Variants in MAMLD1 observed in about 807,000 individuals in gnomAD.
The protein encoded by MAMLD1 is mastermind-like domain-containing protein 1.
MAMLD1 carries 14 observed loss-of-function variants against 45.0 expected under a neutral mutation model. The observed-to-expected ratio is 0.31, with a 90% confidence interval of 0.21 to 0.49. MAMLD1 has a LOEUF of 0.49. Ranked by LOEUF, MAMLD1 falls within the 20% of genes least tolerant of loss-of-function variation. The pLI is 0.99. For missense variants in MAMLD1, 543 were observed against 603.6 expected (o/e 0.90, Z 1.05); for synonymous variants, 254 against 247.8 (o/e 1.02, Z -0.24).
At chrX:150,370,175 T>C (rs2031854014) in intron 1 of MAMLD1, among the ~76,000 whole-genome samples, 2 of 109,670 alleles carry the variant, frequency 1.8e-5, no homozygotes, top group Admixed American at 2.0e-4. Context: ...CCGGTTACTA[T>C]GGATCAGCAC....
chrX:150,389,634 T>C (rs781817023), intron 1 of MAMLD1, among the ~76,000 whole-genome samples: 1 of 112,469 alleles, frequency 8.9e-6, no homozygotes, highest in Admixed American at 9.4e-5. Context: ...GTTCCATAAA[T>C]GTCATCTAGA....
intron 6 of MAMLD1, among the ~76,000 whole-genome samples, chrX:150,508,608 T>C (rs1487659152): frequency 8.9e-6 from 1 of 112,699 alleles, no homozygotes; most frequent in Non-Finnish European, 1.9e-5. Context: ...GGCCAGGAAC[T>C]GCTGCCAGGC....
intron 5 of MAMLD1, among the ~76,000 whole-genome samples, chrX:150,487,896 G>C (rs1488370291): frequency 8.9e-6 from 1 of 112,927 alleles, no homozygotes; most frequent in Non-Finnish European, 1.9e-5. Context: ...CTGGATCACT[G>C]TAAATGCTCA....
chrX:150,408,733 T>C (rs1472545855), intron 1 of MAMLD1, among the ~76,000 whole-genome samples: 2 of 112,000 alleles, frequency 1.8e-5, no homozygotes, highest in African/African-American at 6.5e-5. Context: ...ATGGAAGCAC[T>C]GAGTAGCTAG....
At chrX:150,415,688 G>A (rs2034231277) in intron 1 of MAMLD1, among the ~76,000 whole-genome samples, 1 of 112,123 alleles carries the variant, frequency 8.9e-6, no homozygotes, top group Non-Finnish European at 1.9e-5. Context: ...GAATGGTAGT[G>A]GATGACATTC....
chrX:150,374,591 A>G, intron 1 of MAMLD1, among the ~76,000 whole-genome samples: 1 of 112,449 alleles, frequency 8.9e-6, no homozygotes, highest in Non-Finnish European at 1.9e-5. Flanking sequence ...TTTCTTTGAT[A>G]CTGCATAAGT....
At chrX:150,451,244 G>T (rs73638254) in intron 2 of MAMLD1, among the ~76,000 whole-genome samples, 6 of 112,425 alleles carry the variant, frequency 5.3e-5, no homozygotes, top group Non-Finnish European at 9.4e-5. Flanking sequence ...GGCCTCATCT[G>T]CATTCCTGCC....
At chrX:150,483,780 T>C (rs868955576) in intron 5 of MAMLD1, among the ~76,000 whole-genome samples, 4 of 111,129 alleles carry the variant, frequency 3.6e-5, no homozygotes, top group Non-Finnish European at 7.6e-5. Flanking sequence ...TTGTTGTTGT[T>C]GTCGTCATTT....
At chrX:150,473,655 G>A (rs782625340) in intron 4 of MAMLD1, 25 bp from the exon 5 acceptor site, 1 of 1,210,089 alleles carries the variant, frequency 8.3e-7, no homozygotes, top group South Asian at 1.8e-5. Context: ...CAGTTCAGGA[G>A]CACTTTGGTT....
intron 1 of MAMLD1, among the ~76,000 whole-genome samples, chrX:150,389,140 G>T (rs1308645706): frequency 6.3e-5 from 7 of 110,725 alleles, no homozygotes; most frequent in African/African-American, 2.3e-4. Flanking sequence ...TCTGCCTCCA[G>T]GGTTCAAGTG....
chrX:150,395,728 T>A (rs2033386060), intron 1 of MAMLD1, among the ~76,000 whole-genome samples: 1 of 111,043 alleles, frequency 9.0e-6, no homozygotes, highest in Non-Finnish European at 1.9e-5. Context: ...CTAGGGTTGT[T>A]CACAGTATTA....
At chrX:150,385,253 T>A (rs868953677) in intron 1 of MAMLD1, among the ~76,000 whole-genome samples, 26 of 105,191 alleles carry the variant, frequency 2.5e-4, no homozygotes, top group African/African-American at 9.2e-4. Flanking sequence ...ATGGCAGGAT[T>A]TCTTCTTTAT....
intron 1 of MAMLD1, among the ~76,000 whole-genome samples, chrX:150,391,580 G>A (rs1203769842): frequency 1.8e-5 from 2 of 110,290 alleles, no homozygotes; most frequent in African/African-American, 6.6e-5. Flanking sequence ...CAATTTCTTT[G>A]CTGAGATTTT....
At chrX:150,467,346 A>G (rs1318805357) in intron 3 of MAMLD1, among the ~76,000 whole-genome samples, 2 of 111,583 alleles carry the variant, frequency 1.8e-5, no homozygotes, top group Non-Finnish European at 3.8e-5. Context: ...TTCAACTGCC[A>G]TTTACTGAGC....
At chrX:150,362,770 T>C (rs2031084475), upstream of MAMLD1, 2 of 111,979 alleles carry the variant, frequency 1.8e-5, no homozygotes, top group African/African-American at 6.5e-5. Context: ...GCGGGCTCTG[T>C]CTGCTGGAGG....
At chrX:150,451,325 G>A (rs2124611082) in intron 2 of MAMLD1, among the ~76,000 whole-genome samples, 1 of 111,950 alleles carries the variant, frequency 8.9e-6, no homozygotes, top group East Asian at 2.8e-4. Context: ...ACTGCCCCAG[G>A]AAGGAGAGGG....
intron 1 of MAMLD1, among the ~76,000 whole-genome samples, chrX:150,422,578 T>C (rs782338466): frequency 9.0e-6 from 1 of 111,626 alleles, no homozygotes; most frequent in Non-Finnish European, 1.9e-5. Flanking sequence ...CCCAGTTAAT[T>C]TTGTGTGTGT....
chrX:150,440,302 T>C (rs2035256711), intron 1 of MAMLD1, among the ~76,000 whole-genome samples: 1 of 109,871 alleles, frequency 9.1e-6, no homozygotes, highest in East Asian at 2.8e-4. Flanking sequence ...TCTATATTCA[T>C]GGGAAATATT....
In MAMLD1 at chrX:150,512,777, G is replaced by A; in HGVS notation, c.*818G>A. ...TGCTGCCACCGCTGCTGCTGCTTCTGCCGTTGCTGCCAGCCAGTTCCCAGG... is the reference window on the plus strand; with the variant it reads ...TGCTGCCACCGCTGCTGCTGCTTCTACCGTTGCTGCCAGCCAGTTCCCAGG... On this transcript the variant is annotated 3_prime_UTR_variant, in exon 8 of 8. Coordinates refer to ENST00000370401, the MANE Select transcript of MAMLD1 (RefSeq NM_005491.5). 6 of 1,155,557 alleles carry A rather than the reference G, an allele frequency of 5.2e-6. No individual in the cohort carries two copies. The highest frequency in any genetic ancestry group is 6.9e-6 in the Non-Finnish European group (6 of 872,481).
Sources: gnomAD v4.1 joint callset for allele counts (sites outside exome capture counted in the v4.1 genomes callset) on GRCh38, gnomAD v4.1.1 for gene constraint, MANE v1.5 for transcripts, NCBI Gene and HGNC (gene_info 2026-07-23, HGNC 2026-07-21) for gene names.